ASAP1: variants seen among roughly 807,000 people sequenced by gnomAD.
The protein encoded by ASAP1 is ArfGAP with SH3 domain, ankyrin repeat and PH domain 1.
A neutral mutation model predicts 145.2 loss-of-function variants in ASAP1; 43 were observed. The ratio of observed to expected loss-of-function variants is 0.30; its 90% CI spans 0.23 to 0.38. ASAP1 has a LOEUF of 0.38. ASAP1 is among the 10% of genes least tolerant of loss of function. The pLI is 1.00. For missense variants in ASAP1, 1,018 were observed against 1,355.3 expected (o/e 0.75, Z 3.91); for synonymous variants, 546 against 515.5 (o/e 1.06, Z -0.80).
intron 3 of ASAP1, among the ~76,000 whole-genome samples, chr8:130,247,743 C>A (rs1226500064): frequency 1.3e-5 from 2 of 152,180 alleles, no homozygotes; most frequent in African/African-American, 4.8e-5. Flanking sequence ...ATAGGTCTAT[C>A]TGCTAAATAC....
intron 1 of ASAP1, among the ~76,000 whole-genome samples, chr8:130,428,161 A>G (rs1348423237): frequency 6.6e-6 from 1 of 151,816 alleles, no homozygotes; most frequent in Non-Finnish European, 1.5e-5. Flanking sequence ...ACGTCACTTC[A>G]CCTCTTGAGG....
chr8:130,167,340 A>T, intron 11 of ASAP1, 196 bp downstream of exon 11: 1 of 706,346 alleles, frequency 1.4e-6, no homozygotes, highest in Non-Finnish European at 2.6e-6. Flanking sequence ...AGAGTCATGG[A>T]ATTGGATACC....
intron 3 of ASAP1, among the ~76,000 whole-genome samples, chr8:130,356,646 C>G (rs997055062): frequency 6.6e-6 from 1 of 152,194 alleles, no homozygotes; most frequent in Non-Finnish European, 1.5e-5. Flanking sequence ...TCACCCAATA[C>G]TGACTCCAGA....
At chr8:130,295,898 T>C (rs1822243409) in intron 3 of ASAP1, among the ~76,000 whole-genome samples, 1 of 152,182 alleles carries the variant, frequency 6.6e-6, no homozygotes, top group Admixed American at 6.5e-5. Flanking sequence ...CTGCGCTATA[T>C]TAAAAAGGAA....
intron 5 of ASAP1, among the ~76,000 whole-genome samples, chr8:130,198,268 G>A (rs938177693): frequency 1.3e-5 from 2 of 151,882 alleles, no homozygotes; most frequent in Non-Finnish European, 2.9e-5. Context: ...GGGACTACAG[G>A]CACCTGCCAC....
intron 2 of ASAP1, among the ~76,000 whole-genome samples, chr8:130,395,164 C>T (rs763396751): frequency 2.6e-5 from 4 of 152,306 alleles, no homozygotes; most frequent in Admixed American, 1.3e-4. Context: ...CTCAGAGTAA[C>T]ACAGAGTTCC....
intron 3 of ASAP1, among the ~76,000 whole-genome samples, chr8:130,354,556 G>T (rs1194161551): frequency 1.3e-5 from 2 of 152,158 alleles, no homozygotes; most frequent in Non-Finnish European, 2.9e-5. Flanking sequence ...TACTGTCTGG[G>T]TCACAGCAGT....
At chr8:130,255,831 A>C (rs1819478348) in intron 3 of ASAP1, among the ~76,000 whole-genome samples, 2 of 152,190 alleles carry the variant, frequency 1.3e-5, no homozygotes, top group East Asian at 1.9e-4. Flanking sequence ...ACAAAAATCT[A>C]ACTAATCCTC....
chr8:130,151,483 G>A (rs1442898677), intron 13 of ASAP1, among the ~76,000 whole-genome samples: 1 of 149,818 alleles, frequency 6.7e-6, no homozygotes, highest in Non-Finnish European at 1.5e-5. Flanking sequence ...TCTGTAGACA[G>A]GATTTCTGAT....
chr8:130,350,719 G>A (rs1428536355), intron 3 of ASAP1, among the ~76,000 whole-genome samples: 3 of 152,198 alleles, frequency 2.0e-5, no homozygotes, highest in Admixed American at 6.5e-5. Context: ...GTTGGCAAAC[G>A]CCAGAGTAGA....
chr8:130,376,278 C>A (rs931045504), intron 2 of ASAP1, among the ~76,000 whole-genome samples: 1 of 152,218 alleles, frequency 6.6e-6, no homozygotes, highest in African/African-American at 2.4e-5. Context: ...GTCCACACAG[C>A]CAGGGCCTGG....
intron 18 of ASAP1, 132 bp from the exon 19 acceptor site, chr8:130,118,807 G>A (rs1400071084): frequency 5.3e-6 from 3 of 569,450 alleles, no homozygotes; most frequent in Admixed American, 7.6e-5. Context: ...AAATAAACCA[G>A]GTTTTAGACC....
At chr8:130,102,173 TC>T (rs1216633284) in intron 24 of ASAP1, among the ~76,000 whole-genome samples, 1 of 152,212 alleles carries the variant, frequency 6.6e-6, no homozygotes, top group Non-Finnish European at 1.5e-5. Flanking sequence ...CTTGTCTTCT[TC>T]CAGTTCTTAG....
chr8:130,357,474 G>A (rs887488778), intron 3 of ASAP1, among the ~76,000 whole-genome samples: 10 of 152,248 alleles, frequency 6.6e-5, no homozygotes. Context: ...AGACTAACAG[G>A]GAGGACTCCT....
chr8:130,259,752 C>T (rs1475381994), intron 3 of ASAP1, among the ~76,000 whole-genome samples: 1 of 152,174 alleles, frequency 6.6e-6, no homozygotes, highest in Admixed American at 6.5e-5. Flanking sequence ...TGCAATTCTA[C>T]AATGTCTTCA....
chr8:130,358,203 G>C lies in ASAP1; in HGVS notation c.60-60C>G, dbSNP rs1280189441. On this transcript the variant is annotated intron_variant, in intron 2 of 29. Transcript: ENST00000518721. This position sits in a 1 kb window ranked among gnomAD's most constrained non-coding sequence, Gnocchi z 4.1. ...GGGTGAGTCACGGCGCAGGCTCCCG[G>C]GGCCGCGGGCCGCCCGGAGGCTCAT... The C allele has an allele frequency of 2.0e-6, 3 of 1,465,698 alleles. No individual in the cohort carries two copies. The highest frequency in any genetic ancestry group is 2.7e-6 in the Non-Finnish European group (3 of 1,096,102). 90.8% of individuals were successfully genotyped at this position (1,465,698 alleles called of 1,614,324 possible).
intron 25 of ASAP1, among the ~76,000 whole-genome samples, chr8:130,089,287 T>C (rs1370486370): frequency 1.3e-5 from 2 of 151,984 alleles, no homozygotes; most frequent in African/African-American, 2.4e-5. Flanking sequence ...GAGAAAAAAA[T>C]AGAACTTTGG....
intron 1 of ASAP1, among the ~76,000 whole-genome samples, chr8:130,441,452 G>A (rs926977679): frequency 6.6e-6 from 1 of 152,198 alleles, no homozygotes; most frequent in African/African-American, 2.4e-5. Context: ...TACAGCAGTG[G>A]TTGGGTGAAA....
At chr8:130,092,165 G>T (rs757306877) in intron 24 of ASAP1, 22 bp from the exon 25 acceptor site, 1 of 1,558,944 alleles carries the variant, frequency 6.4e-7, no homozygotes, top group Admixed American at 2.2e-5. Flanking sequence ...ATTGAATGGG[G>T]GCAGGAAGAT....
Sources: allele counts gnomAD v4.1 joint callset (sites outside exome capture counted in the v4.1 genomes callset), GRCh38; gene constraint gnomAD v4.1.1; non-coding constraint Gnocchi (gnomAD v3.1); transcripts MANE v1.5; gene names NCBI Gene and HGNC (gene_info 2026-07-23, HGNC 2026-07-21).